PDE8B: variants seen among roughly 807,000 people sequenced by gnomAD.
PDE8B encodes phosphodiesterase 8B.
Under a neutral mutation model 101.3 loss-of-function variants are expected in PDE8B, and 26 were observed. The observed-to-expected ratio is 0.26, with a 90% CI of 0.19 to 0.36. PDE8B has a LOEUF of 0.36. PDE8B is among the 10% of genes least tolerant of loss of function. The probability of loss-of-function intolerance (pLI) is 1.00; values close to 1 mark genes in which losing one functional copy is unlikely to be tolerated. For missense variants in PDE8B, 810 were observed against 1,163.1 expected, an observed-to-expected ratio of 0.70 and a Z score of 4.42; for synonymous variants, 424 against 429.3, an observed-to-expected ratio of 0.99 and a Z score of 0.15.
intron 12 of PDE8B, 150 bp from the exon 13 acceptor site, chr5:77,407,231 C>T (rs537132998): frequency 1.2e-4 from 88 of 716,530 alleles, no homozygotes; most frequent in Non-Finnish European, 2.0e-4. Context: ...GGCTACCAGC[C>T]TTGGCAGAAG....
At position 77,225,848 on chromosome 5, in the gene PDE8B, GCACACACACACA is replaced by G. The variant is rs3087185; in HGVS notation, c.339+14606_339+14617del. On this transcript the variant is annotated intron_variant, in intron 1 of 21. Coordinates refer to ENST00000264917, the MANE Select transcript of PDE8B (RefSeq NM_003719.5). ...CATTTGTTAGATCCCACATGCGCGT[GCACACACACACA>G]CACACACACACACACACACACCCCA... 4.8e-5 allele frequency among the ~76,000 whole-genome samples: 7 copies of G among 144,330 alleles called. No individual in the cohort carries two copies. The South Asian group carries it at 6.6e-4, about 14-fold the overall frequency. The allele number at this position is 144,330 out of a possible 152,430, so 94.7% of individuals were successfully genotyped here. A position where few individuals can be genotyped will look rare whatever the true frequency, so the allele number is the denominator to read the frequency against.
chr5:77,333,988 G>A (rs1283192751), intron 5 of PDE8B, among the ~76,000 whole-genome samples: 3 of 152,178 alleles, frequency 2.0e-5, no homozygotes, highest in Non-Finnish European at 4.4e-5. Context: ...CCAGTAGCTT[G>A]GGCTCATTCC....
At chr5:77,241,297 T>G (rs1426582092) in intron 1 of PDE8B, among the ~76,000 whole-genome samples, 2 of 152,322 alleles carry the variant, frequency 1.3e-5, no homozygotes, top group Non-Finnish European at 2.9e-5. Flanking sequence ...TAGTTCAAAG[T>G]GTATTGCTCT....
At chr5:77,138,886 C>T in the PDE8B span, among the ~76,000 whole-genome samples, 1 of 152,168 alleles carries the variant, frequency 6.6e-6, no homozygotes, top group Non-Finnish European at 1.5e-5. Context: ...CAAATTTTAA[C>T]CCTGACCAAA....
At chr5:77,300,120 A>G (rs1000014564) in intron 1 of PDE8B, among the ~76,000 whole-genome samples, 2 of 152,196 alleles carry the variant, frequency 1.3e-5, no homozygotes, top group African/African-American at 4.8e-5. Flanking sequence ...TGAGCACTGA[A>G]GGTGAGAACC....
At chr5:77,198,575 C>T in the PDE8B span, among the ~76,000 whole-genome samples, 175 of 152,294 alleles carry the variant, frequency 1.1e-3, no homozygotes, top group African/African-American at 3.8e-3. Context: ...TTTGCCTCCA[C>T]GGTGAAAGCT....
intron 2 of PDE8B, among the ~76,000 whole-genome samples, chr5:77,318,695 AT>A (rs4025930): frequency 6.6e-6 from 1 of 151,858 alleles, no homozygotes; most frequent in Non-Finnish European, 1.5e-5. Flanking sequence ...TTCTCAGACC[AT>A]TTTTTTTCAG....
chr5:77,134,494 A>G, the PDE8B span: 1 of 152,178 alleles, frequency 6.6e-6, no homozygotes, highest in Non-Finnish European at 1.5e-5. Context: ...TGAACTATAT[A>G]CTATGGCTGC....
chr5:77,245,132 C>T (rs1332026975), intron 1 of PDE8B, among the ~76,000 whole-genome samples: 1 of 152,118 alleles, frequency 6.6e-6, no homozygotes, highest in Non-Finnish European at 1.5e-5. Context: ...AATATTTGAG[C>T]TATGTCTAAG....
At chr5:77,205,775 A>G (rs929195459), upstream of PDE8B, among the ~76,000 whole-genome samples, 2 of 152,166 alleles carry the variant, frequency 1.3e-5, no homozygotes, top group African/African-American at 4.8e-5. Flanking sequence ...TACATTGTCT[A>G]TATTTGTAAT....
At chr5:77,160,373 C>T in the PDE8B span, among the ~76,000 whole-genome samples, 2 of 152,346 alleles carry the variant, frequency 1.3e-5, no homozygotes, top group Admixed American at 6.5e-5. Context: ...GCAGAATCCA[C>T]AGACAGGAAA....
At chr5:77,348,629 T>C (rs1290471221) in intron 7 of PDE8B, among the ~76,000 whole-genome samples, 1 of 152,162 alleles carries the variant, frequency 6.6e-6, no homozygotes, top group East Asian at 1.9e-4. Flanking sequence ...AGAAATCCAG[T>C]TGTGGAGATG....
At chr5:77,304,567 T>C (rs1376160296) in intron 1 of PDE8B, among the ~76,000 whole-genome samples, 3 of 152,238 alleles carry the variant, frequency 2.0e-5, no homozygotes, top group African/African-American at 7.2e-5. Context: ...GATTAATCTT[T>C]TATTTCATGG....
the PDE8B span, among the ~76,000 whole-genome samples, chr5:77,096,727 C>T: frequency 6.6e-6 from 1 of 152,308 alleles, no homozygotes; most frequent in Non-Finnish European, 1.5e-5. Flanking sequence ...TCGTGTTCCT[C>T]GGTTTGCAGT....
chr5:77,299,741 A>G (rs1193904848), intron 1 of PDE8B, among the ~76,000 whole-genome samples: 3 of 152,148 alleles, frequency 2.0e-5, no homozygotes, highest in African/African-American at 4.8e-5. Flanking sequence ...ATACGTGTGC[A>G]TGTGTCTTTA....
chr5:77,261,915 A>T (rs1214207954), intron 1 of PDE8B, among the ~76,000 whole-genome samples: 1 of 152,170 alleles, frequency 6.6e-6, no homozygotes, highest in Non-Finnish European at 1.5e-5. Context: ...CTTGTGTAAC[A>T]TTTGAGGCCA....
In PDE8B at chr5:77,287,981, C is replaced by G. The variant is rs150780479; in HGVS notation, c.340-24013C>G. 1.8e-3 allele frequency among the ~76,000 whole-genome samples: 269 copies of G among 152,180 alleles called. 1 individual carries two copies. Among genetic ancestry groups the G allele is most frequent in the African/African-American group, 5.7e-3 (236 of 41,522 alleles). On this transcript the variant is annotated intron_variant, in intron 1 of 21. Coordinates refer to ENST00000264917, the MANE Select transcript of PDE8B (RefSeq NM_003719.5). ...TCAACCTTTTTTTCCCTTATAACTGCTTATTTCTTCTGAGCATTGGATTTT... is the reference window on the plus strand; with the variant it reads ...TCAACCTTTTTTTCCCTTATAACTGGTTATTTCTTCTGAGCATTGGATTTT...
chr5:77,186,083 GCAGCTTCAGAAGCTCATGGAGC>G, the PDE8B span, among the ~76,000 whole-genome samples: 1 of 152,176 alleles, frequency 6.6e-6, no homozygotes, highest in African/African-American at 2.4e-5. Flanking sequence ...ATTATTATTT[GCAGCTTCAGAAGCTCATGGAGC>G]CCTTCACACC....
At chr5:77,359,706 C>G (rs1782749098) in intron 10 of PDE8B, among the ~76,000 whole-genome samples, 1 of 152,130 alleles carries the variant, frequency 6.6e-6, no homozygotes, top group African/African-American at 2.4e-5. Flanking sequence ...CCAGTAATAA[C>G]CAGCTTCAGC....
Sources: allele counts gnomAD v4.1 joint callset (sites outside exome capture counted in the v4.1 genomes callset), GRCh38; gene constraint gnomAD v4.1.1; transcripts MANE v1.5; gene names NCBI Gene and HGNC (gene_info 2026-07-23, HGNC 2026-07-21).